The following LCN1 variants were observed in gnomAD, a reference collection of about 807,000 sequenced individuals.
The protein encoded by LCN1 is lipocalin-1.
A neutral mutation model predicts 22.3 loss-of-function variants in LCN1; 25 were observed. The observed-to-expected ratio is 1.12, with a 90% CI of 0.82 to 1.56. The LOEUF is 1.56. Ranked by LOEUF, LCN1 falls within the 40% of genes most tolerant of loss-of-function variation. LCN1 has a pLI of 0.00. For missense variants in LCN1, 219 were observed against 235.6 expected (o/e 0.93, Z 0.46); for synonymous variants, 85 against 97.6 (o/e 0.87, Z 0.76).
In LCN1 at chr9:135,523,880, A is replaced by T; in HGVS notation, c.293A>T (p.Asp98Val). The T allele has an allele frequency of 6.2e-7, 1 of 1,613,708 alleles. No homozygotes were observed. Among genetic ancestry groups the T allele is most frequent in the Non-Finnish European group, 8.5e-7 (1 of 1,179,674 alleles). Reference protein sequence around the residue: ...KTDEPGKYTADGGKHVAYIIR... With the variant: ...KTDEPGKYTAVGGKHVAYIIR... ...GGAATGTGCTGCTGTCTTTCTGCAG[A>T]CGGGGGCAAGCACGTGGCATACATC... Residue 98 changes from aspartate to valine, a missense_variant and splice_region_variant, in exon 4 of 7, where the codon GAC becomes GTC. Coordinates refer to ENST00000371781, the MANE Select transcript of LCN1 (RefSeq NM_002297.4).
Position 135,521,458 on chromosome 9 carries a change from C to A in LCN1, c.-40C>A. On this transcript the variant is annotated 5_prime_UTR_variant, in exon 1 of 7. Transcript: ENST00000371781. ...CTGGTACAGCCTCTCCCAGCCCCAG[C>A]AAGCGACCTGTCAGGCGGCCGTGGA... 2 of 1,570,176 alleles carry A rather than the reference C, an allele frequency of 1.3e-6. No individual in the cohort carries two copies. Among genetic ancestry groups the A allele is most frequent in the Non-Finnish European group, 1.7e-6 (2 of 1,144,048 alleles).
At chr9:135,525,005 C>T in intron 5 of LCN1, 74 bp downstream of exon 5, 1 of 1,542,392 alleles carries the variant, frequency 6.5e-7, no homozygotes, top group Non-Finnish European at 8.9e-7. Flanking sequence ...TGCACGGGCG[C>T]ATAACTGTGC....
rs570834731 is a variant in LCN1, at chr9:135,522,425, T to G, written c.221+248T>G. On this transcript the variant is annotated intron_variant, in intron 2 of 6. Coordinates refer to ENST00000371781, the MANE Select transcript of LCN1 (RefSeq NM_002297.4). Reference sequence around the variant, plus strand: ...GCAGCCCTGGGTACCGCCCACTTCCTCCTCCGACTAGGGAATGTCTGGTGA... The same window carrying G: ...GCAGCCCTGGGTACCGCCCACTTCCGCCTCCGACTAGGGAATGTCTGGTGA... 6.6e-5 allele frequency among the ~76,000 whole-genome samples: 10 copies of G among 152,344 alleles called. No individual in the cohort carries two copies. The South Asian group carries it at 2.1e-3, about 32-fold the overall frequency.
chr9:135,524,661 G>A (rs940122227), intron 4 of LCN1, among the ~76,000 whole-genome samples, 169 bp from the exon 5 acceptor site: 2 of 152,152 alleles, frequency 1.3e-5, no homozygotes, highest in Non-Finnish European at 2.9e-5. Context: ...CTTCTCAGCC[G>A]TGCACGGCAC....
intron 6 of LCN1, among the ~76,000 whole-genome samples, chr9:135,526,070 GC>G (rs1276806186): frequency 1.6e-5 from 1 of 64,072 alleles, no homozygotes; most frequent in Non-Finnish European, 2.9e-5. Context: ...GCCCACATGT[GC>G]CCCCCACACC....
intron 5 of LCN1, 95 bp downstream of exon 5, chr9:135,525,026 T>A: frequency 1.3e-6 from 2 of 1,561,246 alleles, no homozygotes; most frequent in Non-Finnish European, 1.8e-6. Context: ...TGCGTCTAAT[T>A]CTGGCTTTGT....
In LCN1 at chr9:135,524,822, A is replaced by T; in HGVS notation, c.404-8A>T. The stretch of plus-strand genomic sequence containing the variant: ...TCGAGCACCCACATCTCGTCCTGGC[A>T]CCCACAGGCAGAGACCCCAAGAACA... On this transcript the variant is annotated splice_polypyrimidine_tract_variant and splice_region_variant and intron_variant, in intron 4 of 6. Coordinates refer to ENST00000371781, the MANE Select transcript of LCN1 (RefSeq NM_002297.4). 1 of 1,594,220 alleles carries T rather than the reference A, an allele frequency of 6.3e-7. No homozygotes were observed. Among genetic ancestry groups the T allele is most frequent in the Non-Finnish European group, 8.5e-7 (1 of 1,170,640 alleles).
At chr9:135,525,219 C>T in intron 6 of LCN1, 61 bp downstream of exon 6, 1 of 1,546,692 alleles carries the variant, frequency 6.5e-7, no homozygotes, top group Non-Finnish European at 8.9e-7. Flanking sequence ...AGTGGTGCTT[C>T]CAGAGGCCAT....
intron 3 of LCN1, 123 bp downstream of exon 3, chr9:135,523,425 T>A: frequency 2.5e-6 from 2 of 789,500 alleles, no homozygotes; most frequent in South Asian, 1.8e-5. Flanking sequence ...CTGACTCCAC[T>A]AAAAGCCCAC....
chr9:135,525,357 C>A (rs2118958576), intron 6 of LCN1, among the ~76,000 whole-genome samples, 199 bp downstream of exon 6: 1 of 152,226 alleles, frequency 6.6e-6, no homozygotes, highest in East Asian at 1.9e-4. Flanking sequence ...CTGGGTGTGA[C>A]TCCTGGGCAG....
chr9:135,521,650 GA>G (rs1831498601), intron 1 of LCN1, 63 bp downstream of exon 1: 1 of 1,393,860 alleles, frequency 7.2e-7, no homozygotes, highest in Non-Finnish European at 9.9e-7. Context: ...ACTGGATGGA[GA>G]CCCCATGCCT....
intron 6 of LCN1, among the ~76,000 whole-genome samples, chr9:135,525,912 A>G (rs1564231386): frequency 2.0e-5 from 2 of 101,644 alleles, no homozygotes; most frequent in African/African-American, 3.9e-5. Flanking sequence ...CCCCCACACC[A>G]TTGCCTCTGA....
At position 135,521,573 on chromosome 9, in the gene LCN1, G is replaced by T. The variant is rs576047351; in HGVS notation, c.76G>T (p.Glu26Ter). The T allele has an allele frequency of 1.9e-6, 3 of 1,612,756 alleles. No individual in the cohort carries two copies. Among genetic ancestry groups the T allele is most frequent in the Non-Finnish European group, 1.7e-6 (2 of 1,179,542 alleles). The change falls in exon 1 of 7, where the codon GAG becomes TAG. Residue 26 changes from glutamate to a stop codon, truncating the protein, a stop_gained. Coordinates refer to ENST00000371781, the MANE Select transcript of LCN1 (RefSeq NM_002297.4). LOFTEE classifies it high-confidence loss of function. The stretch of plus-strand genomic sequence containing the variant: ...GGCCCACCACCTCCTGGCCTCAGAC[G>T]AGGAGATTCAGGATGTGAGGCCCGG... ...LQAHHLLASD[E>*]EIQDVSGTWY...
Position 135,522,126 on chromosome 9 carries a change from T to C in LCN1, c.170T>C (p.Met57Thr), listed in dbSNP as rs760010896. 6.1e-5 allele frequency: 97 copies of C among 1,599,352 alleles called. 2 individuals carry two copies. The South Asian group carries it at 1.1e-3, about 18-fold the overall frequency. The change falls in exon 2 of 7, where the codon ATG (methionine) becomes ACG (threonine). Residue 57 changes from methionine (M) to threonine (T), a missense_variant. Met to Thr is a moderately conservative substitution (Grantham distance 81, BLOSUM62 -1). Coordinates refer to ENST00000371781, the MANE Select transcript of LCN1 (RefSeq NM_002297.4). ...ATGAATCTGGAATCGGTGACACCCA[T>C]GACCCTCACGACCCTGGAAGGGGGC... Reference protein sequence around the residue: ...PEMNLESVTPMTLTTLEGGNL... With the variant: ...PEMNLESVTPTTLTTLEGGNL...
At chr9:135,525,202 G>A in intron 6 of LCN1, 44 bp downstream of exon 6, 1 of 1,594,454 alleles carries the variant, frequency 6.3e-7, no homozygotes, top group Admixed American at 1.7e-5. Context: ...ATCCAGTTCT[G>A]GGGCTCAGTG....
In LCN1 at chr9:135,522,169, C is replaced by T; in HGVS notation, c.213C>T (p.Val71=). 1.2e-6 allele frequency: 2 copies of T among 1,605,574 alleles called. No homozygotes were observed. The highest frequency in any genetic ancestry group is 1.7e-6 in the Non-Finnish European group (2 of 1,176,128). ...TLEGGNLEAK[V]TMLISGRCQE... ...AAGGGGGCAACCTGGAAGCCAAGGT[C>T]ACCATGCTGTGAGTGTCTGCCAGCC... The change falls in exon 2 of 7, where the codon GTC becomes GTT. Residue 71 remains valine (V), a synonymous_variant. Coordinates refer to ENST00000371781, the MANE Select transcript of LCN1 (RefSeq NM_002297.4).
intron 1 of LCN1, 104 bp downstream of exon 1, chr9:135,521,691 G>A: frequency 3.0e-6 from 3 of 1,012,404 alleles, no homozygotes; most frequent in East Asian, 2.9e-5. Context: ...TCGTTTTTGG[G>A]TTGGGCATTC....
chr9:135,523,914 G>C lies in LCN1; in HGVS notation c.327G>C (p.Ser109=). The C allele has an allele frequency of 1.2e-6, 2 of 1,614,074 alleles. No individual in the cohort carries two copies. The highest frequency in any genetic ancestry group is 1.7e-6 in the Non-Finnish European group (2 of 1,179,976). The change falls in exon 4 of 7, where the codon TCG becomes TCC. Residue 109 remains serine, a synonymous_variant. Coordinates refer to ENST00000371781, the MANE Select transcript of LCN1 (RefSeq NM_002297.4). The part of the protein sequence containing the change: ...GGKHVAYIIR[S]HVKDHYIFYC... ...AGCACGTGGCATACATCATCAGGTC[G>C]CACGTGAAGGACCACTACATCTTTT... is the stretch of plus-strand genomic sequence containing the variant.
intron 1 of LCN1, 96 bp downstream of exon 1, chr9:135,521,683 GT>G: frequency 5.2e-6 from 5 of 958,860 alleles, no homozygotes; most frequent in Non-Finnish European, 7.5e-6. Context: ...GGAGACCCTC[GT>G]TTTTGGGTTG....
Sources: gnomAD v4.1 joint callset for allele counts (sites outside exome capture counted in the v4.1 genomes callset) on GRCh38, gnomAD v4.1.1 for gene constraint, MANE v1.5 for transcripts, NCBI Gene and HGNC (gene_info 2026-07-23, HGNC 2026-07-21) for gene names.